The following SRBD1 variants were observed in gnomAD, a reference collection of about 807,000 sequenced individuals.
SRBD1 encodes the protein S1 RNA-binding domain-containing protein 1.
A neutral mutation model predicts 115.3 loss-of-function variants in SRBD1; 88 were observed. That is an observed-to-expected ratio of 0.76 (90% CI 0.64 to 0.91). SRBD1 has a LOEUF of 0.91. Ranked by LOEUF, SRBD1 falls within the 40% of genes least tolerant of loss-of-function variation. The probability of loss-of-function intolerance (pLI) is 0.00; values close to 1 mark genes in which losing one functional copy is unlikely to be tolerated. For synonymous variants in SRBD1, 509 were observed against 407.7 expected (o/e 1.25, Z -2.99); for missense variants, 1,385 against 1,177.4 (o/e 1.18, Z -2.58).
At chr2:45,396,990 T>C (rs1667165081) in intron 19 of SRBD1, among the ~76,000 whole-genome samples, 2 of 152,306 alleles carry the variant, frequency 1.3e-5, no homozygotes, top group South Asian at 2.1e-4. Flanking sequence ...GTACATCTAA[T>C]AGTCTACCCA....
chr2:45,390,925 A>G (rs989208095), intron 20 of SRBD1, among the ~76,000 whole-genome samples: 4 of 152,248 alleles, frequency 2.6e-5, no homozygotes, highest in African/African-American at 9.6e-5. Flanking sequence ...AGTGAATTCC[A>G]AAAGCAAGAA....
intron 12 of SRBD1, among the ~76,000 whole-genome samples, chr2:45,548,276 G>C (rs1572761353): frequency 6.6e-6 from 1 of 151,656 alleles, no homozygotes; most frequent in East Asian, 1.9e-4. Flanking sequence ...CAACAGAAAA[G>C]ATCAACAAAG....
intron 10 of SRBD1, 129 bp downstream of exon 10, chr2:45,562,524 G>A (rs928197789): frequency 1.9e-5 from 12 of 648,478 alleles, no homozygotes; most frequent in South Asian, 1.6e-4. Context: ...GAGCCACCGC[G>A]CCCGGCCTGT....
In SRBD1 at chr2:45,574,645, A is replaced by G; in HGVS notation, c.1151T>C (p.Leu384Pro). ...ADMIAKDKDT[L>P]DFIRNLCQKR... is the part of the protein sequence containing the mutation. ...TACTCACAAGTTCCGAATGAAGTCA[A>G]GCGTGTCTTTGTCTTTAGCAATCAT... The change falls in exon 8 of 21, where the codon CTT (leucine) becomes CCT (proline). Residue 384 changes from leucine to proline, a missense_variant. Coordinates refer to ENST00000263736, the MANE Select transcript of SRBD1 (RefSeq NM_018079.5). 6.2e-7 allele frequency: 1 copy of G among 1,613,524 alleles called. No homozygotes were observed. The highest frequency in any genetic ancestry group is 8.5e-7 in the Non-Finnish European group (1 of 1,179,740).
At chr2:45,580,393 C>CT (rs1673315221) in intron 6 of SRBD1, among the ~76,000 whole-genome samples, 2 of 151,818 alleles carry the variant, frequency 1.3e-5, no homozygotes, top group Non-Finnish European at 2.9e-5. Context: ...TCGCCCAGGC[C>CT]TGAGTGCAGT....
At chr2:45,508,538 C>T (rs1038643859) in intron 14 of SRBD1, among the ~76,000 whole-genome samples, 1 of 152,036 alleles carries the variant, frequency 6.6e-6, no homozygotes, top group Admixed American at 6.6e-5. Context: ...TTTTCCAACT[C>T]AAAATTAGGA....
intron 1 of SRBD1, among the ~76,000 whole-genome samples, chr2:45,609,914 T>C (rs11884064): frequency 0.19 from 29,504 of 152,210 alleles, 3,071 homozygotes; most frequent in East Asian, 0.28. Context: ...TTCACTTCCA[T>C]ATCATAGAAC....
chr2:45,520,544 G>A (rs1671251347), intron 14 of SRBD1, among the ~76,000 whole-genome samples: 1 of 152,176 alleles, frequency 6.6e-6, no homozygotes, highest in Non-Finnish European at 1.5e-5. Context: ...TGAGATACAG[G>A]CATTCTTGTT....
At chr2:45,412,943 C>G (rs1667646543) in intron 19 of SRBD1, among the ~76,000 whole-genome samples, 171 bp downstream of exon 19, 1 of 152,110 alleles carries the variant, frequency 6.6e-6, no homozygotes, top group Admixed American at 6.5e-5. Flanking sequence ...GGTTTCATTC[C>G]TCAGTGAAAT....
chr2:45,550,492 C>CAAAA (rs1672261840), intron 12 of SRBD1, among the ~76,000 whole-genome samples: 2 of 64,664 alleles, frequency 3.1e-5, no homozygotes, highest in African/African-American at 1.3e-4. Context: ...ATTACAGTAG[C>CAAAA]CAAAAAAAAA....
At chr2:45,594,863 C>A (rs1673844376) in intron 4 of SRBD1, among the ~76,000 whole-genome samples, 1 of 152,180 alleles carries the variant, frequency 6.6e-6, no homozygotes, top group Admixed American at 6.5e-5. Flanking sequence ...CAGTTTCAAT[C>A]TTCAATAGGC....
At chr2:45,489,818 C>G (rs1670237963) in intron 14 of SRBD1, among the ~76,000 whole-genome samples, 1 of 152,040 alleles carries the variant, frequency 6.6e-6, no homozygotes, top group African/African-American at 2.4e-5. Context: ...AACCAGGTAA[C>G]CCTTAAATAG....
At chr2:45,392,499 T>C (rs1461256960) in intron 20 of SRBD1, among the ~76,000 whole-genome samples, 2 of 152,214 alleles carry the variant, frequency 1.3e-5, no homozygotes, top group Admixed American at 6.5e-5. Flanking sequence ...AACAGAGATA[T>C]TATCTTATTT....
chr2:45,573,146 G>T, intron 9 of SRBD1, 61 bp downstream of exon 9: 1 of 1,485,362 alleles, frequency 6.7e-7, no homozygotes, highest in Non-Finnish European at 8.9e-7. Context: ...AAAGTAGCAG[G>T]CAAATCCAAA....
chr2:45,537,513 T>C (rs1173886752), intron 14 of SRBD1, among the ~76,000 whole-genome samples: 1 of 152,226 alleles, frequency 6.6e-6, no homozygotes, highest in Non-Finnish European at 1.5e-5. Flanking sequence ...CTCTGCTGAC[T>C]GGATGATCGA....
chr2:45,406,950 T>G (rs1197974911), intron 19 of SRBD1, among the ~76,000 whole-genome samples: 1 of 152,154 alleles, frequency 6.6e-6, no homozygotes, highest in Admixed American at 6.6e-5. Context: ...ACATAGAGTC[T>G]TTAGGGTACA....
chr2:45,575,464 T>C (rs1306128980), intron 7 of SRBD1, among the ~76,000 whole-genome samples: 1 of 152,240 alleles, frequency 6.6e-6, no homozygotes. Flanking sequence ...TCATTCTATT[T>C]GCATGAAACG....
chr2:45,409,249 C>A (rs111923443), intron 19 of SRBD1, among the ~76,000 whole-genome samples: 2 of 151,664 alleles, frequency 1.3e-5, no homozygotes, highest in African/African-American at 2.4e-5. Flanking sequence ...TCTCCCCCTC[C>A]CCCCAAAAAA....
At position 45,566,532 on chromosome 2, in the gene SRBD1, C is replaced by A. The variant is rs540284842; in HGVS notation, c.1306-3776G>T. On this transcript the variant is annotated intron_variant, in intron 9 of 20. Transcript: ENST00000263736. The stretch of plus-strand genomic sequence containing the variant: ...ATCTATAGAGATAGAAAGTTGGCTG[C>A]CTAGAGCTTGATGCAAGGAAATATT... Among the ~76,000 whole-genome samples, 9 of 152,232 alleles carry A rather than the reference C, an allele frequency of 5.9e-5. No individual in the cohort carries two copies. The South Asian group carries it at 1.9e-3, about 32-fold the overall frequency.
Sources: gnomAD v4.1 joint callset for allele counts (sites outside exome capture counted in the v4.1 genomes callset) on GRCh38, gnomAD v4.1.1 for gene constraint, MANE v1.5 for transcripts, NCBI Gene and HGNC (gene_info 2026-07-23, HGNC 2026-07-21) for gene names.